Variants in C10orf105 observed in about 807,000 individuals in gnomAD.
C10orf105 encodes the protein uncharacterized protein C10orf105.
Under a neutral mutation model 0.6 loss-of-function variants are expected in C10orf105, and 2 were observed. The observed-to-expected ratio is 3.18, with a 90% CI of 1.30 to 10.01. The LOEUF is 10.01. C10orf105 is among the 30% of genes most tolerant of loss of function. The probability of loss-of-function intolerance (pLI) is 0.04; values close to 1 mark genes in which losing one functional copy is unlikely to be tolerated. For synonymous variants in C10orf105, 95 were observed against 82.4 expected, an observed-to-expected ratio of 1.15 and a Z score of -0.83; for missense variants, 209 against 191.4, an observed-to-expected ratio of 1.09 and a Z score of -0.54.
At chr10:71,734,835 C>A (rs1839510090) in intron 1 of C10orf105, among the ~76,000 whole-genome samples, 1 of 152,236 alleles carries the variant, frequency 6.6e-6, no homozygotes, top group Admixed American at 6.5e-5. Context: ...CCCTCTGGGG[C>A]ATGTCCCCTG....
At chr10:71,728,728 G>A (rs1489047123) in intron 1 of C10orf105, among the ~76,000 whole-genome samples, 1 of 152,198 alleles carries the variant, frequency 6.6e-6, no homozygotes, top group Non-Finnish European at 1.5e-5. Context: ...GCTGGGAAGA[G>A]GGTGCCTCTC....
At position 71,713,448 on chromosome 10, in the gene C10orf105, A is replaced by C. The variant is rs1324144638; in HGVS notation, c.*2488T>G. 3.9e-5 allele frequency: 23 copies of C among 595,034 alleles called. No homozygotes were observed. Among genetic ancestry groups the C allele is most frequent in the African/African-American group, 5.6e-5 (3 of 53,630 alleles). The allele number at this position is 595,034 out of a possible 1,614,324, so 36.9% of individuals were successfully genotyped here. On this transcript the variant is annotated 3_prime_UTR_variant, in exon 2 of 2. Transcript: ENST00000441508. ...GACTCGGAGGCTGAGCCAAACAGGG[A>C]ATCTGGGCCTGCCCACTGGGGCAGG...
chr10:71,734,229 C>G, intron 1 of C10orf105: 1 of 1,601,218 alleles, frequency 6.2e-7, no homozygotes, highest in Non-Finnish European at 8.5e-7. Context: ...CATCTGGCCC[C>G]TTCCCTGCAG....
rs111033453 is a variant in C10orf105 at position 71,732,270 on chromosome 10, G to A, written c.-6+5458C>T. 2.7e-3 allele frequency: 4,301 copies of A among 1,613,534 alleles called. 12 individuals carry two copies. The highest frequency in any genetic ancestry group is 5.1e-3 in the Middle Eastern group (31 of 6,060). ...ATCTGGCACTGGGTACTGAGATTGTGCGGGTCCAGGCCTACTCCATCGACA... is the reference window on the plus strand; with the variant it reads ...ATCTGGCACTGGGTACTGAGATTGTACGGGTCCAGGCCTACTCCATCGACA... On this transcript the variant is annotated intron_variant, in intron 1 of 1. Coordinates refer to the C10orf105 transcript ENST00000398786.
In C10orf105 at chr10:71,712,844, G is replaced by T; in HGVS notation, c.*3092C>A. On this transcript the variant is annotated 3_prime_UTR_variant, in exon 2 of 2. Coordinates refer to ENST00000441508, the MANE Select transcript of C10orf105 (RefSeq NM_001164375.3). ...TGGCCCGTGGCCTCTGGGGCAGGTG[G>T]TGGGCTGGGGGAGGCGGAGCCACAC... 3 of 1,603,446 alleles carry T rather than the reference G, an allele frequency of 1.9e-6. No individual in the cohort carries two copies. Among genetic ancestry groups the T allele is most frequent in the Non-Finnish European group, 2.6e-6 (3 of 1,175,320 alleles).
chr10:71,712,829 C>T lies in C10orf105; in HGVS notation c.*3107G>A. ...CATCTTGCAGGCAGGTGGCCCGTGGCCTCTGGGGCAGGTGGTGGGCTGGGG... is the reference window on the plus strand; with the variant it reads ...CATCTTGCAGGCAGGTGGCCCGTGGTCTCTGGGGCAGGTGGTGGGCTGGGG... On this transcript the variant is annotated 3_prime_UTR_variant, in exon 2 of 2. Coordinates refer to ENST00000441508, the MANE Select transcript of C10orf105 (RefSeq NM_001164375.3). 3 of 1,607,768 alleles carry T rather than the reference C, an allele frequency of 1.9e-6. No individual in the cohort carries two copies. The highest frequency in any genetic ancestry group is 2.5e-6 in the Non-Finnish European group (3 of 1,177,508).
chr10:71,725,049 A>T (rs1220113667), intron 1 of C10orf105, among the ~76,000 whole-genome samples: 1 of 152,122 alleles, frequency 6.6e-6, no homozygotes, highest in Non-Finnish European at 1.5e-5. Context: ...CACTACCCAC[A>T]TCTGTGGGTG....
At chr10:71,725,933 C>T (rs1232405594) in intron 1 of C10orf105, among the ~76,000 whole-genome samples, 3 of 151,036 alleles carry the variant, frequency 2.0e-5, no homozygotes, top group East Asian at 1.9e-4. Flanking sequence ...AGGACTGGAG[C>T]CCCCATCTTC....
chr10:71,722,419 G>T (rs1043148317), upstream of C10orf105, among the ~76,000 whole-genome samples: 2 of 152,220 alleles, frequency 1.3e-5, no homozygotes, highest in South Asian at 2.1e-4. Flanking sequence ...ATGCAAACCA[G>T]GGCTGAATGT....
At chr10:71,725,405 G>A in intron 1 of C10orf105, 1 of 1,614,078 alleles carries the variant, frequency 6.2e-7, no homozygotes. Context: ...ATCCATGTCA[G>A]CAATGGGCTC....
Position 71,732,257 on chromosome 10 carries a change from G to A in C10orf105, c.-6+5471C>T, listed in dbSNP as rs201877610. 3.4e-4 allele frequency: 547 copies of A among 1,613,708 alleles called. No homozygotes were observed. Among genetic ancestry groups the A allele is most frequent in the Non-Finnish European group, 4.4e-4 (523 of 1,179,744 alleles). On this transcript the variant is annotated intron_variant, in intron 1 of 1. Transcript: ENST00000398786. ...GCCATCCTGGAGAATCTGGCACTGG[G>A]TACTGAGATTGTGCGGGTCCAGGCC...
chr10:71,726,634 C>T (rs1866824513), intron 1 of C10orf105, among the ~76,000 whole-genome samples: 2 of 152,252 alleles, frequency 1.3e-5, no homozygotes, highest in East Asian at 3.8e-4. Flanking sequence ...GACACAGTAA[C>T]CTGGACATGC....
At chr10:71,725,664 G>T in intron 1 of C10orf105, 1 of 986,328 alleles carries the variant, frequency 1.0e-6, no homozygotes, top group Non-Finnish European at 1.5e-6. Flanking sequence ...CTAAGGGTTC[G>T]GTGACAGGTG....
chr10:71,727,211 G>A (rs985371246), intron 1 of C10orf105, among the ~76,000 whole-genome samples: 1 of 152,198 alleles, frequency 6.6e-6, no homozygotes, highest in South Asian at 2.1e-4. Context: ...GGAATTAGCC[G>A]ACTTGTTCAG....
chr10:71,719,491 C>CTT (rs1288430003), intron 1 of C10orf105, 136 bp downstream of exon 1: 2 of 152,468 alleles, frequency 1.3e-5, no homozygotes, highest in African/African-American at 4.8e-5. Context: ...CTTACTGGGC[C>CTT]TTGTTTCCCC....
chr10:71,716,434 G>A (rs534043861), intron 1 of C10orf105, 92 bp from the exon 2 acceptor site: 2 of 1,037,872 alleles, frequency 1.9e-6, no homozygotes, highest in Admixed American at 3.0e-5. Flanking sequence ...ATGTGGATGG[G>A]GGCAAGGCAC....
rs931085013 is a variant in C10orf105, at chr10:71,715,555, TCTC to T, written c.*378_*380del. ...AGGGAACCTTTGCCATTTGGCAACT[TCTC>T]CATGCTGGGCTTTGGCACCTGGAGG... is the stretch of plus-strand genomic sequence containing the variant. On this transcript the variant is annotated 3_prime_UTR_variant, in exon 2 of 2. Coordinates refer to ENST00000441508, the MANE Select transcript of C10orf105 (RefSeq NM_001164375.3). 1 of 183,366 alleles carries T rather than the reference TCTC, an allele frequency of 5.5e-6. No homozygotes were observed. Among genetic ancestry groups the T allele is most frequent in the Admixed American group, 6.0e-5 (1 of 16,744 alleles). The allele number at this position is 183,366 out of a possible 1,614,324, so 11.4% of individuals were successfully genotyped here. A position where few individuals can be genotyped will look rare whatever the true frequency, so the allele number is the denominator to read the frequency against.
chr10:71,718,951 G>C (rs753060402), intron 1 of C10orf105, among the ~76,000 whole-genome samples: 2 of 152,024 alleles, frequency 1.3e-5, no homozygotes, highest in Non-Finnish European at 1.5e-5. Flanking sequence ...GGTAGTATGT[G>C]CCTGTGGCCC....
chr10:71,737,842 T>C (rs1564767584), upstream of C10orf105: 4 of 463,452 alleles, frequency 8.6e-6, no homozygotes, highest in Non-Finnish European at 1.8e-5. Context: ...CACAAAACAA[T>C]ATGCTCTTGC....
Sources: gnomAD v4.1 joint callset for allele counts (sites outside exome capture counted in the v4.1 genomes callset) on GRCh38, gnomAD v4.1.1 for gene constraint, MANE v1.5 for transcripts, NCBI Gene and HGNC (gene_info 2026-07-23, HGNC 2026-07-21) for gene names.